UNC5D: variants seen among roughly 807,000 people sequenced by gnomAD.
UNC5D encodes the protein unc-5 netrin receptor D, also known as netrin receptor UNC5D.
Under a neutral mutation model 105.4 loss-of-function variants are expected in UNC5D, and 39 were observed. The observed-to-expected ratio is 0.37, with a 90% CI of 0.29 to 0.48. UNC5D has a LOEUF of 0.48. Ranked by LOEUF, UNC5D falls within the 20% of genes least tolerant of loss-of-function variation. The probability of loss-of-function intolerance (pLI) is 0.98; values close to 1 mark genes in which losing one functional copy is unlikely to be tolerated. For synonymous variants in UNC5D, 452 were observed against 450.4 expected (o/e 1.00, Z -0.04); for missense variants, 991 against 1,202.4 (o/e 0.82, Z 2.60).
chr8:35,285,455 T>G (rs1806524716), intron 1 of UNC5D, among the ~76,000 whole-genome samples: 1 of 152,238 alleles, frequency 6.6e-6, no homozygotes, highest in Admixed American at 6.5e-5. Context: ...CAATTTCTAG[T>G]GTTCTATGAA....
chr8:35,308,115 T>TG, intron 1 of UNC5D, among the ~76,000 whole-genome samples: 3 of 95,422 alleles, frequency 3.1e-5, no homozygotes. Flanking sequence ...TGTCACAATG[T>TG]ATGTGTGTGT....
At chr8:35,740,806 AC>A (rs1301341828) in intron 11 of UNC5D, among the ~76,000 whole-genome samples, 1 of 152,106 alleles carries the variant, frequency 6.6e-6, no homozygotes, top group Non-Finnish European at 1.5e-5. Flanking sequence ...TGGTTGGGTT[AC>A]CGACCCCATG....
At chr8:35,776,906 C>A (rs1054809314) in intron 16 of UNC5D, among the ~76,000 whole-genome samples, 7 of 152,018 alleles carry the variant, frequency 4.6e-5, no homozygotes, top group Non-Finnish European at 1.0e-4. Context: ...GCCACAAGTT[C>A]GAGGCCACAA....
At chr8:35,565,634 A>C (rs1817281897) in intron 2 of UNC5D, among the ~76,000 whole-genome samples, 1 of 152,002 alleles carries the variant, frequency 6.6e-6, no homozygotes, top group Non-Finnish European at 1.5e-5. Context: ...CTTAGTCATA[A>C]ATTCTTTGCC....
At chr8:35,487,566 T>TACACACACACACACACACACACACAC (rs3048025) in intron 1 of UNC5D, among the ~76,000 whole-genome samples, 1 of 112,984 alleles carries the variant, frequency 8.9e-6, no homozygotes, top group African/African-American at 3.7e-5. Flanking sequence ...TCTCTCTCTG[T>TACACACACACACACACACACACACAC]ACACACACAC....
chr8:35,603,851 G>C (rs1215705060), intron 4 of UNC5D, among the ~76,000 whole-genome samples: 2 of 151,992 alleles, frequency 1.3e-5, no homozygotes, highest in Non-Finnish European at 2.9e-5. Context: ...TTTTATCAGA[G>C]ACTAGGATTG....
At chr8:35,240,094 C>A (rs1314797029) in intron 1 of UNC5D, among the ~76,000 whole-genome samples, 1 of 152,052 alleles carries the variant, frequency 6.6e-6, no homozygotes, top group Non-Finnish European at 1.5e-5. Context: ...CATCATCACA[C>A]CCGGCTCAGT....
chr8:35,351,686 C>T (rs1038813334), intron 1 of UNC5D, among the ~76,000 whole-genome samples: 1 of 152,110 alleles, frequency 6.6e-6, no homozygotes, highest in Non-Finnish European at 1.5e-5. Context: ...ATTTCACTCT[C>T]CCTAGCCTTA....
intron 14 of UNC5D, among the ~76,000 whole-genome samples, chr8:35,765,932 T>C (rs1801745600): frequency 6.6e-6 from 1 of 152,172 alleles, no homozygotes; most frequent in Non-Finnish European, 1.5e-5. Context: ...ACCAGAGGCA[T>C]ATGTGGTCAT....
chr8:35,307,219 C>T lies in UNC5D; in HGVS notation c.103+71332C>T, dbSNP rs148535411. ...TCCTGAACTGCATGTGGTCCATGGGCCGCAGGTTGGACCAGCTTGGCCTAT... is the reference window on the plus strand; with the variant it reads ...TCCTGAACTGCATGTGGTCCATGGGTCGCAGGTTGGACCAGCTTGGCCTAT... On this transcript the variant is annotated intron_variant, in intron 1 of 16. Coordinates refer to ENST00000404895, the MANE Select transcript of UNC5D (RefSeq NM_080872.4). Among the ~76,000 whole-genome samples, 242 of 152,294 alleles carry T rather than the reference C, an allele frequency of 1.6e-3. 1 individual carries two copies. Among genetic ancestry groups the T allele is most frequent in the Non-Finnish European group, 2.9e-3 (197 of 68,018 alleles).
intron 2 of UNC5D, among the ~76,000 whole-genome samples, chr8:35,566,678 G>T (rs573010950): frequency 3.3e-5 from 5 of 152,296 alleles, no homozygotes; most frequent in African/African-American, 1.2e-4. Context: ...TCTTTCCTCT[G>T]CAAAGTAGGG....
At chr8:35,662,903 G>C (rs143509778) in intron 4 of UNC5D, among the ~76,000 whole-genome samples, 1 of 152,106 alleles carries the variant, frequency 6.6e-6, no homozygotes, top group Non-Finnish European at 1.5e-5. Flanking sequence ...CAGCCTCAAC[G>C]CTAGATTCTC....
chr8:35,649,722 T>A (rs1015593177), intron 4 of UNC5D, among the ~76,000 whole-genome samples: 2 of 152,188 alleles, frequency 1.3e-5, no homozygotes, highest in African/African-American at 4.8e-5. Flanking sequence ...TCTACATATT[T>A]GTAAACTTAG....
intron 1 of UNC5D, among the ~76,000 whole-genome samples, chr8:35,441,791 G>A (rs544260281): frequency 1.3e-5 from 2 of 151,092 alleles, no homozygotes; most frequent in Non-Finnish European, 3.0e-5. Flanking sequence ...TACTTGGGAG[G>A]AACGAAGGAG....
intron 1 of UNC5D, among the ~76,000 whole-genome samples, chr8:35,343,977 G>A (rs1811632746): frequency 6.6e-6 from 1 of 152,106 alleles, no homozygotes; most frequent in Admixed American, 6.6e-5. Flanking sequence ...GATGTGTCCT[G>A]TACTGATCAA....
At chr8:35,605,693 C>A (rs1820246253) in intron 4 of UNC5D, among the ~76,000 whole-genome samples, 1 of 152,184 alleles carries the variant, frequency 6.6e-6, no homozygotes, top group African/African-American at 2.4e-5. Flanking sequence ...GGGCTCTACC[C>A]ATATATGCAA....
chr8:35,759,237 G>T, intron 13 of UNC5D, 83 bp from the exon 14 acceptor site: 5 of 1,449,084 alleles, frequency 3.5e-6, no homozygotes, highest in Non-Finnish European at 4.8e-6. Context: ...ACATGGTAGT[G>T]AGCATGTGTA....
Position 35,595,663 on chromosome 8 carries a change from A to G in UNC5D, c.570+6A>G, listed in dbSNP as rs1369910287. On this transcript the variant is annotated splice_donor_region_variant and intron_variant, in intron 4 of 16. Transcript: ENST00000404895. ...AGGGAGTCCCTGCTGCCGAGGTAAG[A>G]CAGGATCCTGGGACCAGTCACCGGG... 1.3e-5 allele frequency: 21 copies of G among 1,613,722 alleles called. No individual in the cohort carries two copies. The highest frequency in any genetic ancestry group is 1.8e-5 in the Non-Finnish European group (21 of 1,179,744).
At chr8:35,560,020 C>G (rs1816847243) in intron 2 of UNC5D, among the ~76,000 whole-genome samples, 1 of 152,228 alleles carries the variant, frequency 6.6e-6, no homozygotes, top group Non-Finnish European at 1.5e-5. Flanking sequence ...CTATCTACAA[C>G]TAAACCATCC....
Sources: gnomAD v4.1 joint callset for allele counts (sites outside exome capture counted in the v4.1 genomes callset) on GRCh38, gnomAD v4.1.1 for gene constraint, MANE v1.5 for transcripts, NCBI Gene and HGNC (gene_info 2026-07-23, HGNC 2026-07-21) for gene names.